The following MEF2D variants were observed in gnomAD, a reference collection of about 807,000 sequenced individuals.
MEF2D encodes the protein myocyte enhancer factor 2D, also known as myocyte-specific enhancer factor 2D.
Under a neutral mutation model 59.3 loss-of-function variants are expected in MEF2D, and 10 were observed. The observed-to-expected ratio is 0.17, with a 90% CI of 0.10 to 0.29. The LOEUF (loss-of-function observed/expected upper bound fraction) is 0.29, where lower values mean the gene tolerates loss of function less well. Among genes scored for constraint, MEF2D ranks in the 10% least tolerant of loss-of-function variants. The probability of loss-of-function intolerance (pLI) is 1.00; values close to 1 mark genes in which losing one functional copy is unlikely to be tolerated. For synonymous variants in MEF2D, 305 were observed against 295.0 expected (o/e 1.03, Z -0.35); for missense variants, 508 against 699.4 (o/e 0.73, Z 3.09).
chr1:156,482,344 G>C (rs1672078788), intron 3 of MEF2D, 93 bp downstream of exon 3: 1 of 1,303,470 alleles, frequency 7.7e-7, no homozygotes, highest in Non-Finnish European at 1.1e-6. Context: ...CAGTGTGTGT[G>C]CATAGGCAGG....
intron 3 of MEF2D, among the ~76,000 whole-genome samples, chr1:156,482,126 G>A (rs1341810285): frequency 6.6e-6 from 1 of 152,266 alleles, no homozygotes; most frequent in Admixed American, 6.5e-5. Flanking sequence ...GAGAAAGACA[G>A]GATGCAAGAA....
chr1:156,471,814 A>C (rs367755295), intron 9 of MEF2D, among the ~76,000 whole-genome samples: 4 of 152,248 alleles, frequency 2.6e-5, no homozygotes, highest in Non-Finnish European at 5.9e-5. Flanking sequence ...TTACACACCT[A>C]GGGTCACCTG....
At chr1:156,467,724 C>A in intron 11 of MEF2D, 68 bp from the exon 12 acceptor site, 1 of 1,333,054 alleles carries the variant, frequency 7.5e-7, no homozygotes, top group Non-Finnish European at 9.8e-7. Flanking sequence ...GCACCCCCCA[C>A]TCCCCTCTCC....
At chr1:156,494,340 C>A (rs1274136101) in intron 1 of MEF2D, among the ~76,000 whole-genome samples, 1 of 152,104 alleles carries the variant, frequency 6.6e-6, no homozygotes, top group Non-Finnish European at 1.5e-5. Flanking sequence ...GTTCTCTCAA[C>A]CCTCAACCCT....
intron 6 of MEF2D, among the ~76,000 whole-genome samples, chr1:156,477,731 G>A (rs1671712477): frequency 6.6e-6 from 1 of 152,156 alleles, no homozygotes; most frequent in African/African-American, 2.4e-5. Flanking sequence ...TCCATTTGCC[G>A]TGAGCTGGGG....
At chr1:156,494,743 C>T (rs1211798690) in intron 1 of MEF2D, among the ~76,000 whole-genome samples, 1 of 152,256 alleles carries the variant, frequency 6.6e-6, no homozygotes, top group African/African-American at 2.4e-5. Flanking sequence ...GTAGCACCAC[C>T]TCCCTTTCAC....
intron 1 of MEF2D, among the ~76,000 whole-genome samples, chr1:156,492,370 T>C (rs1018907704): frequency 2.0e-5 from 3 of 152,208 alleles, no homozygotes; most frequent in Non-Finnish European, 4.4e-5. Context: ...AAACTTGCTT[T>C]GTCAGAAGCC....
intron 9 of MEF2D, among the ~76,000 whole-genome samples, chr1:156,474,873 A>G (rs1434837743): frequency 6.6e-6 from 1 of 152,260 alleles, no homozygotes; most frequent in Non-Finnish European, 1.5e-5. Flanking sequence ...TTAGCAGAAG[A>G]ATGTCTTTGG....
intron 4 of MEF2D, among the ~76,000 whole-genome samples, chr1:156,480,015 A>G (rs1671890342): frequency 6.6e-6 from 1 of 152,148 alleles, no homozygotes; most frequent in Non-Finnish European, 1.5e-5. Flanking sequence ...CTCTGGGTCC[A>G]TTTCTGGCCC....
intron 1 of MEF2D, among the ~76,000 whole-genome samples, chr1:156,485,787 G>A (rs76070324): frequency 0.054 from 8,071 of 150,616 alleles, 411 homozygotes; most frequent in African/African-American, 0.13. Context: ...CTCCTACCTC[G>A]GCCTTCCAAG....
intron 1 of MEF2D, among the ~76,000 whole-genome samples, chr1:156,498,654 C>G (rs1002497986): frequency 6.9e-6 from 1 of 143,972 alleles, no homozygotes; most frequent in Non-Finnish European, 1.5e-5. Flanking sequence ...TACAAATGTA[C>G]ATGCACACAC....
In MEF2D at chr1:156,467,477, T is replaced by C. The variant is rs1670921636; in HGVS notation, c.*168A>G. 6.2e-6 allele frequency: 2 copies of C among 324,622 alleles called. No individual in the cohort carries two copies. Among genetic ancestry groups the C allele is most frequent in the East Asian group, 5.7e-5 (1 of 17,690 alleles). 20.1% of individuals were successfully genotyped at this position (324,622 alleles called of 1,614,324 possible). On this transcript the variant is annotated 3_prime_UTR_variant, in exon 12 of 12. Transcript: ENST00000348159. ...AGAATCCAAATTAAAAAAAATATAATAATAATAATAATAATATAATAATTA... is the reference window on the plus strand; with the variant it reads ...AGAATCCAAATTAAAAAAAATATAACAATAATAATAATAATATAATAATTA...
rs1022011005 is a variant in MEF2D at position 156,499,734 on chromosome 1, C to T, written c.-139+752G>A. ...TGCCCAGATGTTGAACAGCTGCAAA[C>T]TTCTGGCCAGGGAGTTCTCCAGTTG... On this transcript the variant is annotated intron_variant, in intron 1 of 11. Transcript: ENST00000348159. Among the ~76,000 whole-genome samples the T allele has an allele frequency of 9.2e-5, 14 of 152,124 alleles. No homozygotes were observed. The South Asian group carries it at 1.5e-3, about 16-fold the overall frequency.
intron 1 of MEF2D, among the ~76,000 whole-genome samples, chr1:156,495,488 C>A (rs1314658368): frequency 6.6e-6 from 1 of 151,998 alleles, no homozygotes; most frequent in Non-Finnish European, 1.5e-5. Context: ...GAACCCATCA[C>A]CTCTCTTCAT....
At chr1:156,490,042 T>G (rs1483061501) in intron 1 of MEF2D, among the ~76,000 whole-genome samples, 1 of 152,300 alleles carries the variant, frequency 6.6e-6, no homozygotes, top group East Asian at 1.9e-4. Flanking sequence ...CCAGGCAAGA[T>G]GGTCCAGGAT....
intron 1 of MEF2D, among the ~76,000 whole-genome samples, chr1:156,493,051 G>A (rs569019081): frequency 6.6e-6 from 1 of 152,318 alleles, no homozygotes; most frequent in East Asian, 1.9e-4. Context: ...TTCCTGGGCA[G>A]TGTTTGTCCC....
chr1:156,480,941 C>A lies in MEF2D; in HGVS notation c.289G>T (p.Asp97Tyr). 6.2e-7 allele frequency: 1 copy of A among 1,612,078 alleles called. No individual in the cohort carries two copies. ...TCCTCCCCGTCGGGCTCGGGGCTGT[C>A]GCAGCCGTTGAAGCCCTTCTTCCTC... Reference protein sequence around the residue: ...TLRKKGFNGCDSPEPDGEDSL... With the variant: ...TLRKKGFNGCYSPEPDGEDSL... Residue 97 changes from aspartate (D) to tyrosine (Y), a missense_variant, in exon 4 of 12, where the codon GAC becomes TAC. Asp to Tyr is a radical substitution (Grantham distance 160). This residue lies in a region of MEF2D where 481 missense variants were observed against 584.7 expected (regional missense o/e 0.82). Transcript: ENST00000348159.
At chr1:156,481,115 A>G (rs1482498199) in intron 3 of MEF2D, 144 bp from the exon 4 acceptor site, 1 of 1,139,570 alleles carries the variant, frequency 8.8e-7, no homozygotes, top group East Asian at 2.4e-5. Context: ...GCCCCTCCCC[A>G]CTGACAGTGC....
intron 1 of MEF2D, among the ~76,000 whole-genome samples, chr1:156,495,801 G>A (rs1053091413): frequency 1.4e-4 from 16 of 111,694 alleles, no homozygotes; most frequent in Admixed American, 3.6e-4. Context: ...TGGTTTCCTC[G>A]TCTGCTCAGC....
Sources: allele counts gnomAD v4.1 joint callset (sites outside exome capture counted in the v4.1 genomes callset), GRCh38; gene constraint gnomAD v4.1.1; regional missense constraint gnomAD v4.1.1; transcripts MANE v1.5; gene names NCBI Gene and HGNC (gene_info 2026-07-23, HGNC 2026-07-21).